TP53I11: variants seen among roughly 807,000 people sequenced by gnomAD.
TP53I11 encodes tumor protein p53 inducible protein 11.
TP53I11 carries 9 observed loss-of-function variants against 23.3 expected under a neutral mutation model. The ratio of observed to expected loss-of-function variants is 0.39; its 90% CI spans 0.23 to 0.67. The LOEUF is 0.67. Ranked by LOEUF, TP53I11 falls within the 30% of genes least tolerant of loss-of-function variation. TP53I11 has a pLI of 0.48. For synonymous variants in TP53I11, 100 were observed against 106.1 expected (o/e 0.94, Z 0.35); for missense variants, 170 against 255.2 (o/e 0.67, Z 2.27).
intron 1 of TP53I11, among the ~76,000 whole-genome samples, chr11:44,940,128 T>A (rs1017026842): frequency 6.6e-6 from 1 of 152,162 alleles, no homozygotes; most frequent in Non-Finnish European, 1.5e-5. Flanking sequence ...ATTAGCCACG[T>A]CCCTCCCGTG....
At position 44,936,399 on chromosome 11, in the gene TP53I11, T is replaced by C; in HGVS notation, c.334+404A>G. ...TCTCAGGTTAGAGAGGAAACAGAAG[T>C]GGTTCAAACAGAAGTGGCTCTGGGG... On this transcript the variant is annotated intron_variant, in intron 5 of 6. Transcript: ENST00000525680. The surrounding 1 kb of genome is among the most constrained non-coding windows in gnomAD (Gnocchi z 4.4). 8.1e-7 allele frequency: 1 copy of C among 1,231,248 alleles called. No homozygotes were observed. The highest frequency in any genetic ancestry group is 1.0e-6 in the Non-Finnish European group (1 of 988,414). The allele number at this position is 1,231,248 out of a possible 1,614,324, so 76.3% of individuals were successfully genotyped here.
intron 1 of TP53I11, chr11:44,946,897 C>T (rs1208629848): frequency 2.5e-6 from 1 of 402,888 alleles, no homozygotes; most frequent in African/African-American, 2.1e-5. Context: ...ACCCGCCACC[C>T]CTCAGCCTGG....
Position 44,937,343 on chromosome 11 carries a change from C to T in TP53I11, c.198G>A (p.Gln66=), listed in dbSNP as rs1156555171. 1 of 1,480,908 alleles carries T rather than the reference C, an allele frequency of 6.8e-7. No homozygotes were observed. The highest frequency in any genetic ancestry group is 1.4e-5 in the African/African-American group (1 of 70,688). The allele number at this position is 1,480,908 out of a possible 1,614,324, so 91.7% of individuals were successfully genotyped here. The change falls in exon 4 of 7, where the codon CAG becomes CAA. Residue 66 remains glutamine (Q), a synonymous_variant. Transcript: ENST00000525680. ...CGGAGAAGAGCACAGCAGAGACGAA[C>T]TGCCAGACCCTGGGAGGCGTGGAAA... ...IREPLGLRVW[Q]FVSAVLFSGI...
chr11:44,945,375 C>T (rs1033293927), intron 1 of TP53I11, among the ~76,000 whole-genome samples: 6 of 152,192 alleles, frequency 3.9e-5, no homozygotes, highest in African/African-American at 1.4e-4. Flanking sequence ...GCTCATGTGA[C>T]TTATTCGAGT....
Position 44,936,230 on chromosome 11 carries a change from T to C in TP53I11, c.335-568A>G. The C allele has an allele frequency of 9.6e-7, 1 of 1,037,252 alleles. No homozygotes were observed. The highest frequency in any genetic ancestry group is 1.2e-6 in the Non-Finnish European group (1 of 865,194). 64.3% of individuals were successfully genotyped at this position (1,037,252 alleles called of 1,614,324 possible). A position where few individuals can be genotyped will look rare whatever the true frequency, so the allele number is the denominator to read the frequency against. ...CCAGACATGCCACTGGGTGTGCATTTATTTTATTCCAGCAACCCTAACTCC... is the reference window on the plus strand; with the variant it reads ...CCAGACATGCCACTGGGTGTGCATTCATTTTATTCCAGCAACCCTAACTCC... On this transcript the variant is annotated intron_variant, in intron 5 of 6. Transcript: ENST00000525680. This position sits in a 1 kb window ranked among gnomAD's most constrained non-coding sequence, Gnocchi z 4.4.
At chr11:44,948,191 C>A (rs1303248129) in intron 1 of TP53I11, among the ~76,000 whole-genome samples, 5 of 152,138 alleles carry the variant, frequency 3.3e-5, no homozygotes, top group Non-Finnish European at 1.5e-5. Flanking sequence ...CATCAGGCAC[C>A]CCGCCCTGCA....
chr11:44,942,982 A>C (rs1314229880), intron 1 of TP53I11, among the ~76,000 whole-genome samples: 1 of 152,036 alleles, frequency 6.6e-6, no homozygotes, highest in Non-Finnish European at 1.5e-5. Flanking sequence ...CTAAGTGAGG[A>C]CAGAAGACTC....
chr11:44,943,136 T>C (rs1406210639), intron 1 of TP53I11: 1 of 151,956 alleles, frequency 6.6e-6, no homozygotes, highest in Non-Finnish European at 1.5e-5. Context: ...GAAATGGGGG[T>C]AGTGAGAACG....
chr11:44,936,625 G>A lies in TP53I11; in HGVS notation c.334+178C>T. ...ACCCACTGGGTGTATTCCACCAATG[G>A]CCACAAGATGGCAGCACATCCCCAG... On this transcript the variant is annotated intron_variant, in intron 5 of 6. Transcript: ENST00000525680. This position sits in a 1 kb window ranked among gnomAD's most constrained non-coding sequence, Gnocchi z 4.4. 3 of 1,336,638 alleles carry A rather than the reference G, an allele frequency of 2.2e-6. No individual in the cohort carries two copies. Among genetic ancestry groups the A allele is most frequent in the Non-Finnish European group, 2.9e-6 (3 of 1,044,008 alleles). The allele number at this position is 1,336,638 out of a possible 1,614,324, so 82.8% of individuals were successfully genotyped here. A position where few individuals can be genotyped will look rare whatever the true frequency, so the allele number is the denominator to read the frequency against.
chr11:44,936,773 T>TC lies in TP53I11; in HGVS notation c.334+29dup, dbSNP rs1427339743. ...CTGGGTCTCCCAGCTGCCCGTCGCC[T>TC]CCCCCAGGGCCCGCCCCAGCAGTAC... On this transcript the variant is annotated intron_variant, in intron 5 of 6. Coordinates refer to ENST00000525680, the MANE Select transcript of TP53I11 (RefSeq NM_006034.5). This position sits in a 1 kb window ranked among gnomAD's most constrained non-coding sequence, Gnocchi z 4.4. The TC allele has an allele frequency of 1.3e-6, 2 of 1,497,190 alleles. No individual in the cohort carries two copies. The highest frequency in any genetic ancestry group is 1.3e-5 in the South Asian group (1 of 75,952). The allele number at this position is 1,497,190 out of a possible 1,614,324, so 92.7% of individuals were successfully genotyped here.
Position 44,937,330 on chromosome 11 carries a change from C to G in TP53I11, c.211G>C (p.Val71Leu). The part of the protein sequence containing the change: ...GLRVWQFVSA[V>L]LFSGIAIMAL... Reference sequence around the variant, plus strand: ...ATGATGGCAATGCCGGAGAAGAGCACAGCAGAGACGAACTGCCAGACCCTG... The same window carrying G: ...ATGATGGCAATGCCGGAGAAGAGCAGAGCAGAGACGAACTGCCAGACCCTG... The change falls in exon 4 of 7, where the codon GTG (valine) becomes CTG (leucine). Residue 71 changes from valine to leucine, a missense_variant. Val to Leu is a conservative substitution (Grantham distance 32). Coordinates refer to ENST00000525680, the MANE Select transcript of TP53I11 (RefSeq NM_006034.5). 1 of 1,491,616 alleles carries G rather than the reference C, an allele frequency of 6.7e-7. No individual in the cohort carries two copies. The highest frequency in any genetic ancestry group is 8.9e-7 in the Non-Finnish European group (1 of 1,120,300). The allele number at this position is 1,491,616 out of a possible 1,614,324, so 92.4% of individuals were successfully genotyped here.
At chr11:44,939,694 C>T (rs903904163) in intron 1 of TP53I11, among the ~76,000 whole-genome samples, 4 of 151,808 alleles carry the variant, frequency 2.6e-5, no homozygotes, top group African/African-American at 7.3e-5. Flanking sequence ...GGCTGTAGAC[C>T]GGATCAACTA....
At chr11:44,942,282 A>G (rs372306197) in intron 1 of TP53I11, among the ~76,000 whole-genome samples, 1,843 of 144,698 alleles carry the variant, frequency 0.013, 43 homozygotes, top group African/African-American at 0.045. Flanking sequence ...CACACATCAC[A>G]CACACCACAT....
Position 44,937,331 on chromosome 11 carries a change from A to G in TP53I11, c.210T>C (p.Ala70=), listed in dbSNP as rs1366731239. ...TGATGGCAATGCCGGAGAAGAGCAC[A>G]GCAGAGACGAACTGCCAGACCCTGG... ...LGLRVWQFVS[A]VLFSGIAIMA... is the part of the protein sequence containing the mutation. Residue 70 remains alanine, a synonymous_variant, in exon 4 of 7, where the codon GCT becomes GCC. Coordinates refer to ENST00000525680, the MANE Select transcript of TP53I11 (RefSeq NM_006034.5). 6.7e-7 allele frequency: 1 copy of G among 1,490,444 alleles called. No individual in the cohort carries two copies. Among genetic ancestry groups the G allele is most frequent in the South Asian group, 1.4e-5 (1 of 73,390 alleles). 92.3% of individuals were successfully genotyped at this position (1,490,444 alleles called of 1,614,324 possible).
chr11:44,947,767 G>A (rs1019160162), intron 1 of TP53I11, among the ~76,000 whole-genome samples: 50 of 152,258 alleles, frequency 3.3e-4, no homozygotes, highest in African/African-American at 1.2e-3. Flanking sequence ...CAGTGACTCT[G>A]CCTCCCTGGG....
rs141714057 is a variant in TP53I11, at chr11:44,936,602, C to G, written c.334+201G>C. 1.6e-4 allele frequency: 210 copies of G among 1,328,670 alleles called. No individual in the cohort carries two copies. In the African/African-American group the frequency reaches 3.0e-3, roughly 19 times the overall value. 82.3% of individuals were successfully genotyped at this position (1,328,670 alleles called of 1,614,324 possible). On this transcript the variant is annotated intron_variant, in intron 5 of 6. Transcript: ENST00000525680. The surrounding 1 kb of genome is among the most constrained non-coding windows in gnomAD (Gnocchi z 4.4). ...GATGGTGGCGACTGCAAGCTCCAAC[C>G]CACTGGGTGTATTCCACCAATGGCC...
intron 1 of TP53I11, among the ~76,000 whole-genome samples, chr11:44,950,432 C>T (rs1201214949): frequency 2.0e-5 from 3 of 152,112 alleles, no homozygotes; most frequent in Non-Finnish European, 2.9e-5. Context: ...GGAGAGCGCG[C>T]AGGGGAGACG....
intron 1 of TP53I11, among the ~76,000 whole-genome samples, chr11:44,945,476 A>G (rs958389734): frequency 2.0e-5 from 3 of 151,568 alleles, no homozygotes; most frequent in African/African-American, 7.3e-5. Context: ...TGTGTGTGCA[A>G]TGTGTGCGGT....
In TP53I11 at chr11:44,938,251, C is replaced by G. The variant is rs1470983007; in HGVS notation, c.85G>C (p.Gly29Arg). Reference protein sequence around the residue: ...VSRLKTRKILGVGGEDDDGEV... With the variant: ...VSRLKTRKILRVGGEDDDGEV... ...CCGTCGTCATCCTCCCCGCCCACGC[C>G]GAGGATCTTGCGGGTCTTCAGGCGG... The change falls in exon 2 of 7, where the codon GGC becomes CGC. Residue 29 changes from glycine (G) to arginine (R), a missense_variant. Transcript: ENST00000525680. The G allele has an allele frequency of 6.2e-7, 1 of 1,613,102 alleles. No homozygotes were observed. The highest frequency in any genetic ancestry group is 1.3e-5 in the African/African-American group (1 of 74,906).
Sources: gnomAD v4.1 joint callset for allele counts (sites outside exome capture counted in the v4.1 genomes callset) on GRCh38, gnomAD v4.1.1 for gene constraint, Gnocchi (gnomAD v3.1) non-coding constraint, MANE v1.5 for transcripts, NCBI Gene and HGNC (gene_info 2026-07-23, HGNC 2026-07-21) for gene names.